ADK: variants seen among roughly 807,000 people sequenced by gnomAD.
ADK encodes the protein adenosine kinase.
Under a neutral mutation model 44.7 loss-of-function variants are expected in ADK, and 24 were observed. The ratio of observed to expected loss-of-function variants is 0.54; its 90% CI spans 0.39 to 0.76. The LOEUF (loss-of-function observed/expected upper bound fraction) is 0.76. ADK is among the 30% of genes least tolerant of loss of function. The probability of loss-of-function intolerance (pLI) is 0.00; values close to 1 mark genes in which losing one functional copy is unlikely to be tolerated. For synonymous variants in ADK, 128 were observed against 142.6 expected (o/e 0.90, Z 0.73); for missense variants, 321 against 425.1 (o/e 0.76, Z 2.15).
chr10:74,477,516 T>C (rs561795139), intron 6 of ADK, among the ~76,000 whole-genome samples: 1 of 152,214 alleles, frequency 6.6e-6, no homozygotes, highest in African/African-American at 2.4e-5. Flanking sequence ...CCAAGATTTT[T>C]TAAAAGATAA....
At chr10:74,202,479 T>C (rs1265171684) in intron 2 of ADK, among the ~76,000 whole-genome samples, 4 of 152,186 alleles carry the variant, frequency 2.6e-5, no homozygotes, top group African/African-American at 9.6e-5. Context: ...GGTATACACA[T>C]AGGAGTGGAA....
intron 9 of ADK, among the ~76,000 whole-genome samples, chr10:74,625,816 A>T (rs1853176395): frequency 6.6e-6 from 1 of 152,214 alleles, no homozygotes; most frequent in African/African-American, 2.4e-5. Flanking sequence ...CAAAAGGCTA[A>T]TGAATTCAGT....
intron 8 of ADK, among the ~76,000 whole-genome samples, chr10:74,591,585 A>G (rs1205305502): frequency 6.6e-6 from 1 of 152,222 alleles, no homozygotes; most frequent in African/African-American, 2.4e-5. Flanking sequence ...TTAGACAGAA[A>G]TGGCAGAGCA....
chr10:74,484,174 A>G (rs968349643), intron 6 of ADK, among the ~76,000 whole-genome samples: 1 of 152,208 alleles, frequency 6.6e-6, no homozygotes, highest in Admixed American at 6.5e-5. Flanking sequence ...TCTACAGGAC[A>G]TATGGCTTGG....
rs1299692412 is a variant in ADK at position 74,661,340 on chromosome 10, C to G, written c.878-8843C>G. Reference sequence around the variant, plus strand: ...ACAACTTTGGGATCATATTTTACTACTTCTCTTTCATTCATTTGTCCCAAA... The same window carrying G: ...ACAACTTTGGGATCATATTTTACTAGTTCTCTTTCATTCATTTGTCCCAAA... On this transcript the variant is annotated intron_variant, in intron 9 of 10. Coordinates refer to ENST00000539909, the MANE Select transcript of ADK (RefSeq NM_006721.4). The G allele has an allele frequency of 3.2e-6, 3 of 935,990 alleles. No homozygotes were observed. In the Admixed American group the frequency reaches 1.9e-4, roughly 58 times the overall value. 58.0% of individuals were successfully genotyped at this position (935,990 alleles called of 1,614,324 possible).
At chr10:74,543,503 T>G (rs944279559) in intron 7 of ADK, among the ~76,000 whole-genome samples, 1 of 152,210 alleles carries the variant, frequency 6.6e-6, no homozygotes, top group African/African-American at 2.4e-5. Context: ...ATTTCTTGGG[T>G]TGCTAGAGGT....
At chr10:74,541,308 C>T (rs945601916) in intron 7 of ADK, among the ~76,000 whole-genome samples, 1 of 152,162 alleles carries the variant, frequency 6.6e-6, no homozygotes, top group African/African-American at 2.4e-5. Context: ...AGTCACCGCA[C>T]CCAGCTTAAC....
chr10:74,575,485 A>G (rs768360703), intron 7 of ADK, among the ~76,000 whole-genome samples: 1 of 152,208 alleles, frequency 6.6e-6, no homozygotes, highest in Non-Finnish European at 1.5e-5. Context: ...TGGCTGAACT[A>G]ACCCTGGAGG....
intron 3 of ADK, among the ~76,000 whole-genome samples, chr10:74,246,762 G>A (rs1160671160): frequency 6.6e-6 from 1 of 152,100 alleles, no homozygotes; most frequent in Non-Finnish European, 1.5e-5. Context: ...TCTTCTTTTG[G>A]AGCCTAGTGT....
chr10:74,286,610 G>A (rs1847169936), intron 3 of ADK, among the ~76,000 whole-genome samples: 1 of 152,170 alleles, frequency 6.6e-6, no homozygotes. Flanking sequence ...ACAACAAGCT[G>A]ATAATCTTGC....
chr10:74,164,389 A>C (rs1187634269), intron 1 of ADK, among the ~76,000 whole-genome samples: 3 of 151,954 alleles, frequency 2.0e-5, no homozygotes, highest in Non-Finnish European at 4.4e-5. Context: ...TACAAAAATT[A>C]GCTGGGCATG....
At chr10:74,703,476 GA>G (rs1419928862) in intron 10 of ADK, among the ~76,000 whole-genome samples, 1 of 152,076 alleles carries the variant, frequency 6.6e-6, no homozygotes, top group Non-Finnish European at 1.5e-5. Flanking sequence ...ATCAGAGTAA[GA>G]CCCTGTCTCA....
At chr10:74,195,916 A>G (rs1843129421) in intron 1 of ADK, among the ~76,000 whole-genome samples, 1 of 151,462 alleles carries the variant, frequency 6.6e-6, no homozygotes, top group South Asian at 2.1e-4. Context: ...TGCAGAGGCA[A>G]TGCGCCCGCC....
intron 2 of ADK, among the ~76,000 whole-genome samples, chr10:74,217,344 C>T (rs112717905): frequency 0.038 from 5,834 of 152,308 alleles, 420 homozygotes; most frequent in African/African-American, 0.13. Flanking sequence ...CCCAGGCTTG[C>T]TTAGCTAAAC....
chr10:74,631,198 C>T (rs942515522), intron 9 of ADK, among the ~76,000 whole-genome samples: 2 of 151,820 alleles, frequency 1.3e-5, no homozygotes, highest in Non-Finnish European at 2.9e-5. Context: ...AATTTATACA[C>T]ACATCTATAT....
rs1843129775 is a variant in ADK at position 74,195,918 on chromosome 10, GCGCC to G, written c.66-4841_66-4838del. ...TCTTGAACTCCTGTGCAGAGGCAAT[GCGCC>G]CGCCTCAGCCTCCCAAAGTGCTGAG... On this transcript the variant is annotated intron_variant, in intron 1 of 10. Transcript: ENST00000539909. Among the ~76,000 whole-genome samples the G allele has an allele frequency of 4.0e-5, 6 of 151,306 alleles. No homozygotes were observed. The South Asian group carries it at 1.0e-3, about 26-fold the overall frequency.
intron 9 of ADK, among the ~76,000 whole-genome samples, chr10:74,656,584 G>A (rs1715305916): frequency 6.6e-6 from 1 of 152,108 alleles, no homozygotes; most frequent in Non-Finnish European, 1.5e-5. Context: ...TGAGACTTAA[G>A]CATGGGGTCC....
intron 10 of ADK, among the ~76,000 whole-genome samples, chr10:74,681,497 C>A (rs943178907): frequency 1.3e-5 from 2 of 152,086 alleles, no homozygotes; most frequent in Non-Finnish European, 2.9e-5. Context: ...AGACAAGAAG[C>A]CAGATTACTG....
chr10:74,658,930 A>T (rs944649165), intron 9 of ADK, among the ~76,000 whole-genome samples: 1 of 152,154 alleles, frequency 6.6e-6, no homozygotes, highest in Non-Finnish European at 1.5e-5. Context: ...ATGTGTATAT[A>T]TATAGTCAGG....
Sources: gnomAD v4.1 joint callset for allele counts (sites outside exome capture counted in the v4.1 genomes callset) on GRCh38, gnomAD v4.1.1 for gene constraint, MANE v1.5 for transcripts, NCBI Gene and HGNC (gene_info 2026-07-23, HGNC 2026-07-21) for gene names.